Variants in SOX5 observed in about 807,000 individuals in gnomAD.
The protein encoded by SOX5 is SRY-box transcription factor 5, also known as transcription factor SOX-5.
SOX5 carries 9 observed loss-of-function variants against 92.0 expected under a neutral mutation model. The observed-to-expected ratio is 0.10, with a 90% confidence interval of 0.06 to 0.17. The LOEUF is 0.17. Ranked by LOEUF, SOX5 falls within the 10% of genes least tolerant of loss-of-function variation. The pLI is 1.00. For missense variants in SOX5, 642 were observed against 944.5 expected, an observed-to-expected ratio of 0.68 and a Z score of 4.20; for synonymous variants, 344 against 336.3, an observed-to-expected ratio of 1.02 and a Z score of -0.25.
chr12:23,567,271 G>A (rs1022384376), intron 10 of SOX5, among the ~76,000 whole-genome samples: 1 of 152,088 alleles, frequency 6.6e-6, no homozygotes, highest in African/African-American at 2.4e-5. Context: ...CTAAAGTCAG[G>A]ATCAGATGGG....
At chr12:23,882,690 AGTACTAT>A (rs763347906) in intron 2 of SOX5, among the ~76,000 whole-genome samples, 1 of 152,206 alleles carries the variant, frequency 6.6e-6, no homozygotes, top group Non-Finnish European at 1.5e-5. Context: ...CTATACAAAA[AGTACTAT>A]GTTAGGTGAT....
At chr12:23,834,747 A>G (rs1454686636) in intron 3 of SOX5, among the ~76,000 whole-genome samples, 2 of 151,920 alleles carry the variant, frequency 1.3e-5, no homozygotes, top group East Asian at 3.9e-4. Context: ...TAAGAAGGTG[A>G]AAATAGCTTG....
intron 7 of SOX5, among the ~76,000 whole-genome samples, chr12:23,646,079 C>T (rs565233221): frequency 6.6e-6 from 1 of 152,264 alleles, no homozygotes; most frequent in African/African-American, 2.4e-5. Context: ...AATCTTTTTG[C>T]TGCTTAAAGG....
chr12:23,599,674 C>T (rs1055345777), intron 9 of SOX5, among the ~76,000 whole-genome samples: 1 of 152,144 alleles, frequency 6.6e-6, no homozygotes, highest in Non-Finnish European at 1.5e-5. Flanking sequence ...AGAACACTTA[C>T]AATGTGAAGT....
At chr12:24,337,059 T>C (rs760248613) in intron 2 of SOX5, among the ~76,000 whole-genome samples, 7 of 152,184 alleles carry the variant, frequency 4.6e-5, no homozygotes, top group Non-Finnish European at 7.3e-5. Flanking sequence ...AAATTCTCTG[T>C]CACAGTCAAT....
At chr12:24,441,119 A>T (rs1055526263) in intron 1 of SOX5, among the ~76,000 whole-genome samples, 16 of 152,178 alleles carry the variant, frequency 1.1e-4, no homozygotes, top group African/African-American at 3.1e-4. Flanking sequence ...CCAATCCAGA[A>T]CCCACGTCAT....
In SOX5 at chr12:23,536,491, G is replaced by C. The variant is rs1940503274; in HGVS notation, c.1950C>G (p.Arg650=). The C allele has an allele frequency of 6.2e-7, 1 of 1,614,000 alleles. No individual in the cohort carries two copies. Among genetic ancestry groups the C allele is most frequent in the African/African-American group, 1.3e-5 (1 of 74,906 alleles). The part of the protein sequence containing the change: ...LRIGEYKAIM[R]NRRQEMRQYF... ...ACTGCCGCATTTCCTGCCGCCTGTT[G>C]CGCATGATTGCCTTGTATTCACCAA... The change falls in exon 14 of 15, where the codon CGC becomes CGG. Residue 650 remains arginine (R), a synonymous_variant. Transcript: ENST00000451604.
chr12:24,153,334 T>C (rs952125944), intron 4 of SOX5, among the ~76,000 whole-genome samples: 4 of 152,136 alleles, frequency 2.6e-5, no homozygotes, highest in African/African-American at 9.7e-5. Context: ...TTCAGTTTGA[T>C]AAAGCAAGAC....
At chr12:23,865,975 T>C (rs2096807870) in intron 2 of SOX5, among the ~76,000 whole-genome samples, 1 of 152,200 alleles carries the variant, frequency 6.6e-6, no homozygotes, top group African/African-American at 2.4e-5. Context: ...AGCCTGAAGA[T>C]GTGACTGAAT....
intron 1 of SOX5, among the ~76,000 whole-genome samples, chr12:24,375,073 C>T (rs184134163): frequency 1.3e-5 from 2 of 152,068 alleles, no homozygotes; most frequent in Admixed American, 1.3e-4. Context: ...CCTGGGTTCA[C>T]GCCATTCTCC....
chr12:24,393,623 T>C lies in SOX5; in HGVS notation c.-250-24984A>G, dbSNP rs1021747122. Among the ~76,000 whole-genome samples, 1 of 152,232 alleles carries C rather than the reference T, an allele frequency of 6.6e-6. No homozygotes were observed. The highest frequency in any genetic ancestry group is 1.5e-5 in the Non-Finnish European group (1 of 68,040). ...AAAAATTATGAAATAGATAATCTTT[T>C]ATACGGATTACGCTTTAAGACATGG... On this transcript the variant is annotated intron_variant, in intron 1 of 4. Coordinates refer to the SOX5 transcript ENST00000446891. This position sits in a 1 kb window ranked among gnomAD's most constrained non-coding sequence, Gnocchi z 5.0.
chr12:23,807,588 G>A (rs2095802098), intron 3 of SOX5, among the ~76,000 whole-genome samples: 1 of 151,886 alleles, frequency 6.6e-6, no homozygotes, highest in Non-Finnish European at 1.5e-5. Context: ...TGGCTCTGCT[G>A]ACAACTTGAC....
chr12:24,431,853 T>C (rs1192893092), intron 1 of SOX5, among the ~76,000 whole-genome samples: 1 of 152,212 alleles, frequency 6.6e-6, no homozygotes, highest in Non-Finnish European at 1.5e-5. Flanking sequence ...ATGCATTTCT[T>C]GATGATAATG....
chr12:24,415,521 C>T (rs117841447), intron 1 of SOX5, among the ~76,000 whole-genome samples: 7,933 of 152,198 alleles, frequency 0.052, 266 homozygotes, highest in Middle Eastern at 0.095. Context: ...TTAGTCCCCT[C>T]AGCTGATAAA....
upstream of SOX5, among the ~76,000 whole-genome samples, chr12:23,950,594 C>G (rs1370322890): frequency 2.0e-5 from 3 of 152,168 alleles, no homozygotes; most frequent in African/African-American, 7.2e-5. Context: ...AAAGACGGTA[C>G]TAACAAACTG....
chr12:23,602,181 A>T (rs1424324687), intron 9 of SOX5, among the ~76,000 whole-genome samples: 1 of 152,188 alleles, frequency 6.6e-6, no homozygotes, highest in Non-Finnish European at 1.5e-5. Flanking sequence ...CTACTTTTTC[A>T]CTTGTATTAA....
chr12:23,921,302 G>A (rs554765453), intron 1 of SOX5, among the ~76,000 whole-genome samples: 2 of 151,770 alleles, frequency 1.3e-5, no homozygotes, highest in South Asian at 2.1e-4. Flanking sequence ...TTCAGCACTA[G>A]CACAATGTAC....
intron 4 of SOX5, among the ~76,000 whole-genome samples, chr12:24,068,748 A>G (rs1179728296): frequency 1.3e-5 from 1 of 78,516 alleles, no homozygotes; most frequent in African/African-American, 4.7e-5. Context: ...ATATATATAT[A>G]CACACACACA....
chr12:23,741,349 T>A (rs547879253), intron 4 of SOX5, among the ~76,000 whole-genome samples: 31 of 152,304 alleles, frequency 2.0e-4, no homozygotes, highest in African/African-American at 6.7e-4. Flanking sequence ...TAGTTTTTTT[T>A]AACTTTTACT....
Sources: gnomAD v4.1 joint callset for allele counts (sites outside exome capture counted in the v4.1 genomes callset) on GRCh38, gnomAD v4.1.1 for gene constraint, Gnocchi (gnomAD v3.1) non-coding constraint, MANE v1.5 for transcripts, NCBI Gene and HGNC (gene_info 2026-07-23, HGNC 2026-07-21) for gene names.